GLCE: variants seen among roughly 807,000 people sequenced by gnomAD.
The protein encoded by GLCE is D-glucuronyl C5-epimerase.
A neutral mutation model predicts 47.9 loss-of-function variants in GLCE; 19 were observed. The ratio of observed to expected loss-of-function variants is 0.40; its 90% CI spans 0.28 to 0.58. The LOEUF is 0.58. Ranked by LOEUF, GLCE falls within the 20% of genes least tolerant of loss-of-function variation. The pLI is 0.48. For missense variants in GLCE, 556 were observed against 743.3 expected, an observed-to-expected ratio of 0.75 and a Z score of 2.93; for synonymous variants, 245 against 263.4, an observed-to-expected ratio of 0.93 and a Z score of 0.68.
intron 1 of GLCE, among the ~76,000 whole-genome samples, chr15:69,191,779 G>A (rs529725470): frequency 4.9e-4 from 75 of 152,258 alleles, no homozygotes; most frequent in African/African-American, 1.7e-3. Flanking sequence ...TTAGACACCA[G>A]CCAAGGCCTA....
In GLCE at chr15:69,198,125, A is replaced by T. The variant is rs1306515164; in HGVS notation, c.-104-12191A>T. 2.6e-5 allele frequency among the ~76,000 whole-genome samples: 4 copies of T among 151,942 alleles called. No individual in the cohort carries two copies. The East Asian group carries it at 7.7e-4, about 29-fold the overall frequency. On this transcript the variant is annotated intron_variant, in intron 1 of 4. Coordinates refer to ENST00000261858, the MANE Select transcript of GLCE (RefSeq NM_015554.3). Reference sequence around the variant, plus strand: ...CATGTATACTTTTTTCTTTTTTTTAAAAAACCCTGCATGTGGCATTCAAAC... The same window carrying T: ...CATGTATACTTTTTTCTTTTTTTTATAAAACCCTGCATGTGGCATTCAAAC...
intron 1 of GLCE, among the ~76,000 whole-genome samples, chr15:69,165,080 A>T (rs1566944248): frequency 6.6e-6 from 1 of 151,688 alleles, no homozygotes; most frequent in African/African-American, 2.4e-5. Context: ...TTATCTTTCA[A>T]CTTTTCTTTT....
intron 2 of GLCE, among the ~76,000 whole-genome samples, chr15:69,240,283 CAAAAAAAAAAAAAA>C (rs545688611): frequency 7.1e-4 from 13 of 18,422 alleles, no homozygotes; most frequent in African/African-American, 2.8e-3. Flanking sequence ...GACTCCGTCT[CAAAAAAAAAAAAAA>C]AAAAAAAAAA....
intron 1 of GLCE, among the ~76,000 whole-genome samples, chr15:69,161,759 TG>T (rs2051425634): frequency 6.6e-6 from 1 of 152,064 alleles, no homozygotes; most frequent in Admixed American, 6.5e-5. Flanking sequence ...GGGATCCCTG[TG>T]GGGGCGCGCT....
intron 2 of GLCE, among the ~76,000 whole-genome samples, chr15:69,211,833 C>A (rs995488732): frequency 1.3e-5 from 2 of 151,940 alleles, no homozygotes; most frequent in African/African-American, 4.8e-5. Context: ...TTGAAAACAG[C>A]CTCTTATATC....
rs763870631 is a variant in GLCE, at chr15:69,268,932, T to C, written c.1542T>C (p.Tyr514=). The change falls in exon 5 of 5, where the codon TAT becomes TAC. Residue 514 remains tyrosine (Y), a synonymous_variant. Transcript: ENST00000261858. ...PSSFVLNGFM[Y]SLIGLYDLKE... is the part of the protein sequence containing the mutation. ...CTTTTGTTTTAAATGGCTTTATGTA[T>C]TCTTTAATTGGGCTGTATGACTTAA... 2 of 1,614,212 alleles carry C rather than the reference T, an allele frequency of 1.2e-6. No individual in the cohort carries two copies. Among genetic ancestry groups the C allele is most frequent in the Admixed American group, 3.3e-5 (2 of 60,028 alleles).
chr15:69,232,904 A>G (rs936738774), intron 2 of GLCE, among the ~76,000 whole-genome samples: 8 of 152,334 alleles, frequency 5.3e-5, no homozygotes, highest in African/African-American at 1.7e-4. Flanking sequence ...GTCCAATGTC[A>G]TAGACTAAAT....
rs1340727021 is a variant in GLCE, at chr15:69,268,634, A to T, written c.1244A>T (p.Asn415Ile). ...FFAASDWLVR[N>I]QDEKGGWPIM... is the part of the protein sequence containing the mutation. ...GCTGCTAGTGATTGGCTAGTAAGGA[A>T]CCAGGATGAGAAAGGTGGCTGGCCA... The change falls in exon 5 of 5, where the codon AAC becomes ATC. Residue 415 changes from asparagine to isoleucine, a missense_variant. This residue lies in a region of GLCE where 245 missense variants were observed against 368.1 expected (regional missense o/e 0.67). Coordinates refer to ENST00000261858, the MANE Select transcript of GLCE (RefSeq NM_015554.3). 1 of 1,614,216 alleles carries T rather than the reference A, an allele frequency of 6.2e-7. No individual in the cohort carries two copies. Among genetic ancestry groups the T allele is most frequent in the Non-Finnish European group, 8.5e-7 (1 of 1,180,036 alleles).
At chr15:69,206,765 T>G (rs2052157872) in intron 1 of GLCE, among the ~76,000 whole-genome samples, 1 of 151,968 alleles carries the variant, frequency 6.6e-6, no homozygotes, top group African/African-American at 2.4e-5. Context: ...CCTGGTTTCT[T>G]GTGTTGGAGA....
At chr15:69,264,315 C>T (rs964088178) in intron 4 of GLCE, among the ~76,000 whole-genome samples, 30 of 152,208 alleles carry the variant, frequency 2.0e-4, no homozygotes, top group African/African-American at 5.3e-4. Flanking sequence ...TTGTCACAAA[C>T]GGCAGGATTT....
intron 1 of GLCE, among the ~76,000 whole-genome samples, chr15:69,191,458 G>A (rs2051912408): frequency 6.6e-6 from 1 of 152,150 alleles, no homozygotes; most frequent in South Asian, 2.1e-4. Context: ...CATGGGTGAA[G>A]TCTGGAGGAA....
intron 4 of GLCE, among the ~76,000 whole-genome samples, chr15:69,267,257 C>T (rs550612529): frequency 1.3e-5 from 2 of 152,178 alleles, no homozygotes; most frequent in South Asian, 4.1e-4. Context: ...GGAATAATAA[C>T]CATCATTTAT....
intron 2 of GLCE, among the ~76,000 whole-genome samples, chr15:69,247,547 T>G (rs1420307923): frequency 2.0e-5 from 3 of 152,342 alleles, no homozygotes; most frequent in Admixed American, 6.5e-5. Flanking sequence ...ATCAAGAACT[T>G]TTCCATTGCT....
intron 4 of GLCE, among the ~76,000 whole-genome samples, chr15:69,261,838 C>T (rs2053019773): frequency 6.6e-6 from 1 of 152,084 alleles, no homozygotes; most frequent in African/African-American, 2.4e-5. Flanking sequence ...CATGTAAAGT[C>T]ATTTTCATTA....
intron 1 of GLCE, among the ~76,000 whole-genome samples, chr15:69,172,288 A>G: frequency 6.6e-6 from 1 of 152,350 alleles, no homozygotes; most frequent in African/African-American, 2.4e-5. Flanking sequence ...TAAACAGATT[A>G]TCGAACACAC....
Position 69,181,452 on chromosome 15 carries a change from C to T in GLCE, c.-105+20695C>T, listed in dbSNP as rs577566645. ...GCAAAGGAAACTTAGAAGGAGAAAT[C>T]ACTGAGGCAAGAGGAAAACCAGGAG... is the stretch of plus-strand genomic sequence containing the variant. On this transcript the variant is annotated intron_variant, in intron 1 of 4. Transcript: ENST00000261858. 2.6e-4 allele frequency among the ~76,000 whole-genome samples: 40 copies of T among 152,238 alleles called. No homozygotes were observed. In the South Asian group the frequency reaches 7.5e-3, roughly 28 times the overall value.
chr15:69,256,616 A>C (rs566989629), intron 3 of GLCE, among the ~76,000 whole-genome samples: 1 of 152,204 alleles, frequency 6.6e-6, no homozygotes, highest in Non-Finnish European at 1.5e-5. Flanking sequence ...GAATTATTTT[A>C]TTAACGTAAC....
At chr15:69,188,337 T>A (rs994277070) in intron 1 of GLCE, among the ~76,000 whole-genome samples, 2 of 152,252 alleles carry the variant, frequency 1.3e-5, no homozygotes, top group African/African-American at 2.4e-5. Flanking sequence ...TTAAGTATTT[T>A]TACATCTATA....
chr15:69,220,954 T>C (rs998692254), intron 2 of GLCE, among the ~76,000 whole-genome samples: 6 of 152,228 alleles, frequency 3.9e-5, no homozygotes, highest in Non-Finnish European at 8.8e-5. Context: ...ATGGTAAGGA[T>C]CCAGCTTCAC....
Sources: gnomAD v4.1 joint callset for allele counts (sites outside exome capture counted in the v4.1 genomes callset) on GRCh38, gnomAD v4.1.1 for gene constraint, gnomAD v4.1.1 regional missense constraint, MANE v1.5 for transcripts, NCBI Gene and HGNC (gene_info 2026-07-23, HGNC 2026-07-21) for gene names.